VMP1: variants seen among roughly 807,000 people sequenced by gnomAD.
The protein encoded by VMP1 is vacuole membrane protein 1, also known as ectopic P-granules autophagy protein 3 homolog.
A neutral mutation model predicts 56.0 loss-of-function variants in VMP1; 11 were observed. The ratio of observed to expected loss-of-function variants is 0.20; its 90% confidence interval spans 0.12 to 0.32. The LOEUF is 0.32. Ranked by LOEUF, VMP1 falls within the 10% of genes least tolerant of loss-of-function variation. VMP1 has a pLI of 1.00. For missense variants in VMP1, 296 were observed against 490.3 expected, an observed-to-expected ratio of 0.60 and a Z score of 3.74; for synonymous variants, 149 against 165.0, an observed-to-expected ratio of 0.90 and a Z score of 0.74.
At chr17:59,717,402 A>G (rs1247852113) in intron 1 of VMP1, among the ~76,000 whole-genome samples, 2 of 151,566 alleles carry the variant, frequency 1.3e-5, no homozygotes, top group African/African-American at 2.4e-5. Flanking sequence ...TTTTTTTTGG[A>G]GACACACTCT....
At chr17:59,769,846 T>C (rs2036363068) in intron 6 of VMP1, among the ~76,000 whole-genome samples, 1 of 152,208 alleles carries the variant, frequency 6.6e-6, no homozygotes, top group Non-Finnish European at 1.5e-5. Context: ...TTGTATCTTA[T>C]ACAAATATAT....
rs563925715 is a variant in VMP1, at chr17:59,822,958, C to T, written c.974+5185C>T. Among the ~76,000 whole-genome samples, 8 of 152,050 alleles carry T rather than the reference C, an allele frequency of 5.3e-5. No homozygotes were observed. In the South Asian group the frequency reaches 1.0e-3, roughly 20 times the overall value. ...CAAATTAGTTGGGCATGGTGGTACC[C>T]GCCTGTAGTCCCTGCTACCCAAGAG... On this transcript the variant is annotated intron_variant, in intron 10 of 11. Coordinates refer to ENST00000262291, the MANE Select transcript of VMP1 (RefSeq NM_030938.5).
Position 59,717,014 on chromosome 17 carries a change from C to T in VMP1, c.-27+9266C>T, listed in dbSNP as rs1375219205. On this transcript the variant is annotated intron_variant, in intron 1 of 11. Transcript: ENST00000262291. ...TTTTTTTTTGAGACGGGGTCTCGCT[C>T]TGTCGCCCAGGCTGGAGTACAGCGT... Among the ~76,000 whole-genome samples the T allele has an allele frequency of 2.0e-5, 3 of 151,898 alleles. No homozygotes were observed. The South Asian group carries it at 6.2e-4, about 31-fold the overall frequency.
intron 5 of VMP1, among the ~76,000 whole-genome samples, chr17:59,756,427 A>G (rs1293946903): frequency 6.6e-6 from 1 of 152,204 alleles, no homozygotes; most frequent in Non-Finnish European, 1.5e-5. Flanking sequence ...ATGTTTTCCC[A>G]GTGAATCAGC....
intron 5 of VMP1, among the ~76,000 whole-genome samples, chr17:59,747,151 G>A (rs1000565236): frequency 2.0e-5 from 3 of 152,206 alleles, no homozygotes; most frequent in Admixed American, 6.5e-5. Context: ...ACTAAGCCAG[G>A]AGACATATTC....
At chr17:59,818,449 T>C (rs1305458892) in intron 10 of VMP1, among the ~76,000 whole-genome samples, 2 of 152,080 alleles carry the variant, frequency 1.3e-5, no homozygotes, top group South Asian at 2.1e-4. Flanking sequence ...TCTCTATTAC[T>C]TCACTAGAGA....
intron 5 of VMP1, among the ~76,000 whole-genome samples, chr17:59,762,583 A>G (rs987441294): frequency 6.6e-6 from 1 of 152,212 alleles, no homozygotes. Flanking sequence ...CTATCACTTA[A>G]TATAGTTTAA....
At chr17:59,784,572 G>A (rs1206712029) in intron 7 of VMP1, among the ~76,000 whole-genome samples, 1 of 152,096 alleles carries the variant, frequency 6.6e-6, no homozygotes, top group African/African-American at 2.4e-5. Flanking sequence ...TAAGAAGGGG[G>A]CTTAAAAATG....
At chr17:59,795,063 T>A (rs1233906030) in intron 7 of VMP1, among the ~76,000 whole-genome samples, 4 of 149,066 alleles carry the variant, frequency 2.7e-5, no homozygotes, top group Non-Finnish European at 4.4e-5. Flanking sequence ...AATGGCGTGA[T>A]CTTGGCTCAC....
chr17:59,736,249 A>G (rs931948958), intron 3 of VMP1, among the ~76,000 whole-genome samples: 9 of 151,954 alleles, frequency 5.9e-5, no homozygotes, highest in Admixed American at 1.3e-4. Flanking sequence ...CTAAAAATAT[A>G]AAAATTAGCC....
At chr17:59,821,481 T>A (rs2038446997) in intron 10 of VMP1, among the ~76,000 whole-genome samples, 1 of 151,960 alleles carries the variant, frequency 6.6e-6, no homozygotes, top group East Asian at 1.9e-4. Flanking sequence ...TGTTGGAATG[T>A]CCTGATGTCC....
chr17:59,809,549 C>T (rs2037979358), intron 8 of VMP1, among the ~76,000 whole-genome samples: 1 of 121,730 alleles, frequency 8.2e-6, no homozygotes, highest in South Asian at 2.7e-4. Context: ...CTCTGTCGCC[C>T]AGGCGGTAGT....
chr17:59,829,677 A>T (rs888211935), intron 10 of VMP1, among the ~76,000 whole-genome samples: 1 of 152,224 alleles, frequency 6.6e-6, no homozygotes, highest in African/African-American at 2.4e-5. Flanking sequence ...AGAATTATTT[A>T]CAAGACTGTT....
chr17:59,749,011 G>A (rs1045725466), intron 5 of VMP1, among the ~76,000 whole-genome samples: 6 of 150,930 alleles, frequency 4.0e-5, no homozygotes, highest in African/African-American at 9.7e-5. Context: ...GTGCAGTGGT[G>A]CGATCTCGGC....
chr17:59,724,858 C>T (rs1340977014), intron 1 of VMP1, among the ~76,000 whole-genome samples: 2 of 150,016 alleles, frequency 1.3e-5, no homozygotes, highest in East Asian at 2.0e-4. Flanking sequence ...CCCAGCTACT[C>T]GGGAGGCTGA....
chr17:59,758,543 G>T (rs1157870463), intron 5 of VMP1, among the ~76,000 whole-genome samples: 5 of 151,786 alleles, frequency 3.3e-5, no homozygotes, highest in Non-Finnish European at 5.9e-5. Context: ...AATTAGATGG[G>T]GCCAGGTGTG....
At chr17:59,831,612 A>ATTT (rs34016289) in intron 10 of VMP1, among the ~76,000 whole-genome samples, 16,708 of 132,688 alleles carry the variant, frequency 0.13, 1,234 homozygotes, top group Middle Eastern at 0.17. Flanking sequence ...TTTTGAATGG[A>ATTT]TTTTTTTTTT....
chr17:59,735,363 G>A lies in VMP1; in HGVS notation c.102G>A (p.Lys34=), dbSNP rs1269090157. ...ACCCCTCTTCAGTGAATGAAAAGAA[G>A]AGGAGGGAGCGGGAAGAAAGGCAGA... ...FTDPSSVNEK[K]RREREERQNI... The change falls in exon 3 of 12, where the codon AAG becomes AAA. Residue 34 remains lysine (K), a synonymous_variant. Coordinates refer to ENST00000262291, the MANE Select transcript of VMP1 (RefSeq NM_030938.5). 1.2e-6 allele frequency: 2 copies of A among 1,613,998 alleles called. No individual in the cohort carries two copies. Among genetic ancestry groups the A allele is most frequent in the Admixed American group, 1.7e-5 (1 of 59,988 alleles).
intron 5 of VMP1, among the ~76,000 whole-genome samples, chr17:59,755,742 G>GTTTT (rs57646102): frequency 0.02 from 2,840 of 140,350 alleles, 101 homozygotes; most frequent in African/African-American, 0.069. Context: ...TTGGTTTTTG[G>GTTTT]TTTTTTTTTT....
Sources: allele counts gnomAD v4.1 joint callset (sites outside exome capture counted in the v4.1 genomes callset), GRCh38; gene constraint gnomAD v4.1.1; transcripts MANE v1.5; gene names NCBI Gene and HGNC (gene_info 2026-07-23, HGNC 2026-07-21).